Variants in ROR1 observed in about 807,000 individuals in gnomAD.
The protein encoded by ROR1 is ROR family WNT receptor 1.
Under a neutral mutation model 78.8 loss-of-function variants are expected in ROR1, and 19 were observed. That is an observed-to-expected ratio of 0.24 (90% CI 0.17 to 0.35). The LOEUF is 0.35. ROR1 is among the 10% of genes least tolerant of loss of function. ROR1 has a pLI of 1.00. For missense variants in ROR1, 917 were observed against 1,177.8 expected, an observed-to-expected ratio of 0.78 and a Z score of 3.24; for synonymous variants, 386 against 433.6, an observed-to-expected ratio of 0.89 and a Z score of 1.36.
At chr1:63,936,246 CATT>C (rs1485534094) in intron 1 of ROR1, among the ~76,000 whole-genome samples, 2 of 152,186 alleles carry the variant, frequency 1.3e-5, no homozygotes, top group African/African-American at 4.8e-5. Context: ...GTTCCAAACA[CATT>C]ATCACGGAGC....
rs1475008060 is a variant in ROR1, at chr1:64,142,587, G to A, written c.1111G>A (p.Ala371Thr). The change falls in exon 7 of 9, where the codon GCT (alanine) becomes ACT (threonine). Residue 371 changes from alanine (A) to threonine (T), a missense_variant. Ala to Thr is a moderately conservative substitution (Grantham distance 58, BLOSUM62 0). Around this residue, in one of 3 missense-constraint regions of ROR1, gnomAD observed 835 missense variants for 1,069.8 expected, o/e 0.78. Coordinates refer to ENST00000371079, the MANE Select transcript of ROR1 (RefSeq NM_005012.4). ...CCGCAACCCAGGGAATCAAAAGGAA[G>A]CTCCCTGGTGCTTCACCTTGGATGA... is the stretch of plus-strand genomic sequence containing the variant. ...YCRNPGNQKE[A>T]PWCFTLDENF... The A allele has an allele frequency of 2.5e-5, 41 of 1,614,050 alleles. No individual in the cohort carries two copies. The highest frequency in any genetic ancestry group is 3.5e-5 in the Non-Finnish European group (41 of 1,180,038).
At chr1:63,826,940 A>G (rs1015477779) in intron 1 of ROR1, among the ~76,000 whole-genome samples, 1 of 152,000 alleles carries the variant, frequency 6.6e-6, no homozygotes, top group Non-Finnish European at 1.5e-5. Flanking sequence ...TGGCCACATG[A>G]TAGACTGGAT....
chr1:63,996,948 T>G (rs1339041547), intron 1 of ROR1, among the ~76,000 whole-genome samples: 1 of 152,190 alleles, frequency 6.6e-6, no homozygotes. Flanking sequence ...GGTATGATTA[T>G]CTCAGGCCTT....
chr1:64,176,417 A>G (rs1158322787), intron 8 of ROR1, among the ~76,000 whole-genome samples: 2 of 152,236 alleles, frequency 1.3e-5, no homozygotes, highest in African/African-American at 2.4e-5. Flanking sequence ...GTGCTTTACA[A>G]ACATTAACTC....
At chr1:63,941,261 C>T (rs1272842964) in intron 1 of ROR1, among the ~76,000 whole-genome samples, 2 of 152,022 alleles carry the variant, frequency 1.3e-5, no homozygotes, top group African/African-American at 2.4e-5. Flanking sequence ...AAAATACATA[C>T]TGAAATATTA....
At position 64,178,901 on chromosome 1, in the gene ROR1, C is replaced by A; in HGVS notation, c.*46C>A. The stretch of plus-strand genomic sequence containing the variant: ...GTGGTATACAGGACAAACTAGACGG[C>A]CGTAGAAAAGATTTATATTCAAATG... On this transcript the variant is annotated 3_prime_UTR_variant, in exon 9 of 9. Transcript: ENST00000371079. This position sits in a 1 kb window ranked among gnomAD's most constrained non-coding sequence, Gnocchi z 4.3. 7.2e-7 allele frequency: 1 copy of A among 1,397,440 alleles called. No individual in the cohort carries two copies. Among genetic ancestry groups the A allele is most frequent in the Non-Finnish European group, 9.8e-7 (1 of 1,016,252 alleles). The allele number at this position is 1,397,440 out of a possible 1,614,324, so 86.6% of individuals were successfully genotyped here. A position where few individuals can be genotyped will look rare whatever the true frequency, so the allele number is the denominator to read the frequency against.
At chr1:63,938,135 T>A (rs552713825) in intron 1 of ROR1, among the ~76,000 whole-genome samples, 1 of 152,136 alleles carries the variant, frequency 6.6e-6, no homozygotes, top group East Asian at 1.9e-4. Context: ...CAAAGTCAAA[T>A]GGAAAATATC....
chr1:63,929,836 T>G, intron 1 of ROR1, among the ~76,000 whole-genome samples: 1 of 152,144 alleles, frequency 6.6e-6, no homozygotes, highest in Admixed American at 6.6e-5. Context: ...ATGAAGAGAC[T>G]AGAGGCACAA....
chr1:63,794,072 A>C (rs2100242665), intron 1 of ROR1, among the ~76,000 whole-genome samples: 1 of 152,302 alleles, frequency 6.6e-6, no homozygotes, highest in Admixed American at 6.5e-5. Context: ...ATCTGCTCTC[A>C]GTGAAGGACG....
intron 1 of ROR1, among the ~76,000 whole-genome samples, chr1:63,947,430 C>T (rs757084536): frequency 2.0e-5 from 3 of 152,126 alleles, no homozygotes; most frequent in Non-Finnish European, 4.4e-5. Context: ...TGGAGGGTAC[C>T]TCTGCCAAGG....
chr1:64,123,870 A>G (rs1648626734), intron 4 of ROR1, among the ~76,000 whole-genome samples: 2 of 152,240 alleles, frequency 1.3e-5, no homozygotes, highest in East Asian at 1.9e-4. Flanking sequence ...AAATAATTCC[A>G]CTTATTGTTT....
intron 1 of ROR1, among the ~76,000 whole-genome samples, chr1:63,971,596 C>T (rs930547596): frequency 3.3e-5 from 5 of 152,102 alleles, no homozygotes; most frequent in Admixed American, 3.3e-4. Context: ...AAAAATAAAT[C>T]ATCTGCAAAA....
intron 1 of ROR1, among the ~76,000 whole-genome samples, chr1:63,821,913 C>T (rs943979519): frequency 6.6e-6 from 1 of 152,162 alleles, no homozygotes. Flanking sequence ...GCCCCAGAAA[C>T]CTGTGTTCTC....
At chr1:64,115,577 T>C (rs1265096038) in intron 4 of ROR1, among the ~76,000 whole-genome samples, 3 of 151,116 alleles carry the variant, frequency 2.0e-5, no homozygotes, top group African/African-American at 7.3e-5. Context: ...CTTATGGTTG[T>C]AACGATAAAT....
intron 1 of ROR1, among the ~76,000 whole-genome samples, chr1:63,825,250 T>C (rs548233837): frequency 6.6e-6 from 1 of 152,324 alleles, no homozygotes; most frequent in South Asian, 2.1e-4. Context: ...GCATTATTTA[T>C]AATAGCCAAA....
At chr1:63,882,816 T>C (rs1645331653) in intron 1 of ROR1, among the ~76,000 whole-genome samples, 1 of 152,162 alleles carries the variant, frequency 6.6e-6, no homozygotes, top group Non-Finnish European at 1.5e-5. Context: ...TTCATTTTGG[T>C]AAAGATGTTA....
chr1:63,877,832 G>A (rs533793900), intron 1 of ROR1, among the ~76,000 whole-genome samples: 1 of 152,262 alleles, frequency 6.6e-6, no homozygotes, highest in African/African-American at 2.4e-5. Context: ...CCCATTTGAT[G>A]TATGCTGTCA....
At chr1:63,884,958 GCT>G (rs1308344583) in intron 1 of ROR1, among the ~76,000 whole-genome samples, 9 of 152,050 alleles carry the variant, frequency 5.9e-5, no homozygotes. Flanking sequence ...TCCAAGCGCT[GCT>G]GCTCACCTGC....
intron 1 of ROR1, among the ~76,000 whole-genome samples, chr1:63,877,381 G>A (rs1227767809): frequency 1.3e-5 from 2 of 152,178 alleles, no homozygotes; most frequent in Non-Finnish European, 2.9e-5. Flanking sequence ...TTCCTCATCT[G>A]TCTGATGGGG....
Sources: gnomAD v4.1 joint callset for allele counts (sites outside exome capture counted in the v4.1 genomes callset) on GRCh38, gnomAD v4.1.1 for gene constraint, gnomAD v4.1.1 regional missense constraint, Gnocchi (gnomAD v3.1) non-coding constraint, MANE v1.5 for transcripts, NCBI Gene and HGNC (gene_info 2026-07-23, HGNC 2026-07-21) for gene names.